Variants in COL12A1 observed in about 807,000 individuals in gnomAD.
The protein encoded by COL12A1 is collagen alpha-1(XII) chain.
COL12A1 carries 114 observed loss-of-function variants against 349.7 expected under a neutral mutation model. The observed-to-expected ratio is 0.33, with a 90% confidence interval of 0.28 to 0.38. The LOEUF (loss-of-function observed/expected upper bound fraction) is 0.38. COL12A1 is among the 10% of genes least tolerant of loss of function. The pLI is 1.00. For synonymous variants in COL12A1, 1,369 were observed against 1,329.0 expected (o/e 1.03, Z -0.66); for missense variants, 3,284 against 3,756.9 (o/e 0.87, Z 3.29).
intron 52 of COL12A1, 107 bp from the exon 53 acceptor site, chr6:75,106,603 G>T (rs1562124298): frequency 1.1e-6 from 1 of 927,288 alleles, no homozygotes; most frequent in East Asian, 2.6e-5. Context: ...TCTCTCAAGG[G>T]TGTGAGCCAT....
intron 51 of COL12A1, among the ~76,000 whole-genome samples, chr6:75,109,531 A>C (rs1768727639): frequency 6.6e-6 from 1 of 152,146 alleles, no homozygotes. Context: ...ATATACTATT[A>C]TATTCACTAC....
intron 1 of COL12A1, among the ~76,000 whole-genome samples, chr6:75,203,987 C>T (rs915882666): frequency 1.3e-5 from 2 of 152,230 alleles, no homozygotes; most frequent in Admixed American, 1.3e-4. Context: ...CCAACGATGA[C>T]TTTCCAAATT....
rs1327776228 is a variant in COL12A1, at chr6:75,102,680, G to C, written c.8332C>G (p.Pro2778Ala). 2 of 1,551,848 alleles carry C rather than the reference G, an allele frequency of 1.3e-6. No individual in the cohort carries two copies. The highest frequency in any genetic ancestry group is 8.7e-7 in the Non-Finnish European group (1 of 1,152,732). The change falls in exon 56 of 66, where the codon CCT (proline) becomes GCT (alanine). Residue 2778 changes from proline to alanine, a missense_variant. Around this residue, in one of 2 missense-constraint regions of COL12A1, gnomAD observed 683 missense variants for 932.1 expected, o/e 0.73. Transcript: ENST00000322507. ...GISGAIGPPG[P>A]RGDIGPPGPQ... Reference sequence around the variant, plus strand: ...CCTGGAGGACCTATGTCTCCACGAGGACCAGGGGGCCCCTAAAATACACAA... The same window carrying C: ...CCTGGAGGACCTATGTCTCCACGAGCACCAGGGGGCCCCTAAAATACACAA...
Position 75,090,397 on chromosome 6 carries a change from T to A in COL12A1, c.8753-99A>T. On this transcript the variant is annotated intron_variant, in intron 62 of 65. Coordinates refer to ENST00000322507, the MANE Select transcript of COL12A1 (RefSeq NM_004370.6). This position sits in a 1 kb window ranked among gnomAD's most constrained non-coding sequence, Gnocchi z 4.1. ...TAGTGTCTAGTGAAATCCATCTCCA[T>A]TCTGCAACCCCTCTAAGGAAACAAT... 1.8e-6 allele frequency: 2 copies of A among 1,112,220 alleles called. No homozygotes were observed. Among genetic ancestry groups the A allele is most frequent in the Non-Finnish European group, 2.6e-6 (2 of 775,740 alleles). The allele number at this position is 1,112,220 out of a possible 1,614,324, so 68.9% of individuals were successfully genotyped here.
chr6:75,101,547 CA>C, intron 58 of COL12A1, 52 bp downstream of exon 58: 1 of 1,546,392 alleles, frequency 6.5e-7, no homozygotes, highest in Middle Eastern at 1.7e-4. Context: ...AATTAATAGG[CA>C]ACCATATGAC....
rs112607771 is a variant in COL12A1 at position 75,085,406 on chromosome 6, G to GCGCACA, written c.*1140_*1141insTGTGCG. On this transcript the variant is annotated 3_prime_UTR_variant, in exon 66 of 66. Coordinates refer to ENST00000322507, the MANE Select transcript of COL12A1 (RefSeq NM_004370.6). ...TTACAATTATGGCATGATTTGGAAG[G>GCGCACA]CACACACACACACACACAGCAAAAG... The GCGCACA allele has an allele frequency of 1.2e-4, 51 of 424,114 alleles. No individual in the cohort carries two copies. The highest frequency in any genetic ancestry group is 7.9e-4 in the African/African-American group (39 of 49,252). The allele number at this position is 424,114 out of a possible 1,614,324, so 26.3% of individuals were successfully genotyped here.
intron 34 of COL12A1, 73 bp downstream of exon 34, chr6:75,133,220 T>A: frequency 2.3e-6 from 3 of 1,308,480 alleles, no homozygotes; most frequent in Non-Finnish European, 2.0e-6. Flanking sequence ...TTCTCTTTAA[T>A]GGGCCTTTAT....
chr6:75,100,458 G>C (rs1258731416), intron 58 of COL12A1, among the ~76,000 whole-genome samples: 1 of 151,962 alleles, frequency 6.6e-6, no homozygotes, highest in African/African-American at 2.4e-5. Flanking sequence ...TACTCTCACT[G>C]TTGTCCTTTA....
intron 13 of COL12A1, among the ~76,000 whole-genome samples, chr6:75,168,176 CA>C (rs1768408059): frequency 6.6e-6 from 1 of 152,146 alleles, no homozygotes; most frequent in African/African-American, 2.4e-5. Flanking sequence ...GTCAATCAGT[CA>C]GTTTGATAAG....
chr6:75,108,855 T>C lies in COL12A1; in HGVS notation c.8100+163A>G, dbSNP rs866655967. Among the ~76,000 whole-genome samples the C allele has an allele frequency of 1.3e-4, 20 of 152,318 alleles. No individual in the cohort carries two copies. The Middle Eastern group carries it at 0.01, about 78-fold the overall frequency. ...ACATTATTATGTTCTGTGGACATAT[T>C]TTCTCAATGTACTTCTTCCAATGTT... is the stretch of plus-strand genomic sequence containing the variant. On this transcript the variant is annotated intron_variant, in intron 52 of 65. Transcript: ENST00000322507.
Position 75,130,987 on chromosome 6 carries a change from G to A in COL12A1, c.5938-6C>T. On this transcript the variant is annotated splice_polypyrimidine_tract_variant and splice_region_variant and intron_variant, in intron 35 of 65. Transcript: ENST00000322507. ...GTGTTTCCTGGCACTACTATCTGCA[G>A]GAGAGGAAATGCCAAATTCTGCCTG... 1 of 1,614,086 alleles carries A rather than the reference G, an allele frequency of 6.2e-7. No homozygotes were observed. The highest frequency in any genetic ancestry group is 8.5e-7 in the Non-Finnish European group (1 of 1,179,988).
Position 75,123,310 on chromosome 6 carries a change from GC to G in COL12A1, c.6946+19del. 6.3e-7 allele frequency: 1 copy of G among 1,599,802 alleles called. No homozygotes were observed. The highest frequency in any genetic ancestry group is 2.2e-5 in the East Asian group (1 of 44,582). On this transcript the variant is annotated intron_variant, in intron 43 of 65. Transcript: ENST00000322507. ...TAACTCCCTATCAGCTGAACGTATT[GC>G]CTATTTAGCTGTACTTACCATCCCG... is the stretch of plus-strand genomic sequence containing the variant.
Position 75,138,465 on chromosome 6 carries a change from A to G in COL12A1, c.5213T>C (p.Ile1738Thr), listed in dbSNP as rs240736. The G allele has an allele frequency of 0.28, 451,849 of 1,613,334 alleles. 64,381 individuals are homozygous for G. The highest frequency in any genetic ancestry group is 0.33 in the African/African-American group (24,872 of 74,908). Residue 1738 changes from isoleucine to threonine, a missense_variant, in exon 29 of 66, where the codon ATT becomes ACT. Transcript: ENST00000322507. Reference protein sequence around the residue: ...YPDESESDDLIGSERTLPILT... With the variant: ...YPDESESDDLTGSERTLPILT... Reference sequence around the variant, plus strand: ...ACACCTACGTGTGCGCTCACTGCCAATCAGGTCATCACTTTCTGACTCATC... The same window carrying G: ...ACACCTACGTGTGCGCTCACTGCCAGTCAGGTCATCACTTTCTGACTCATC...
chr6:75,106,886 CTTTTTTCTTTTTCTTTTTT>C (rs1768577743), intron 52 of COL12A1, among the ~76,000 whole-genome samples: 1 of 47,440 alleles, frequency 2.1e-5, no homozygotes, highest in Non-Finnish European at 4.3e-5. Context: ...TTTTTTTTTT[CTTTTTTCTTTTTCTTTTTT>C]TTTTTTTTTT....
chr6:75,097,750 A>G (rs2149338033), intron 58 of COL12A1, among the ~76,000 whole-genome samples: 2 of 152,370 alleles, frequency 1.3e-5, no homozygotes, highest in East Asian at 3.9e-4. Flanking sequence ...TACTGAGAAA[A>G]GCAAGCGGTA....
In COL12A1 at chr6:75,147,715, T is replaced by C. The variant is rs1416289158; in HGVS notation, c.4377A>G (p.Glu1459=). ...CCTTCAGAGGCTCACTATATTCATCTTCTACCACAGAATACACATTGACAA... is the reference window on the plus strand; with the variant it reads ...CCTTCAGAGGCTCACTATATTCATCCTCTACCACAGAATACACATTGACAA... ...EYVVNVYSVV[E]DEYSEPLKGT... is the part of the protein sequence containing the mutation. Residue 1459 remains glutamate, a synonymous_variant, in exon 23 of 66, where the codon GAA becomes GAG. Transcript: ENST00000322507. 5 of 1,613,358 alleles carry C rather than the reference T, an allele frequency of 3.1e-6. No homozygotes were observed. Among genetic ancestry groups the C allele is most frequent in the South Asian group, 2.2e-5 (2 of 90,990 alleles).
intron 56 of COL12A1, among the ~76,000 whole-genome samples, 159 bp from the exon 57 acceptor site, chr6:75,102,211 C>T (rs998855682): frequency 1.3e-5 from 2 of 152,068 alleles, no homozygotes; most frequent in Non-Finnish European, 2.9e-5. Flanking sequence ...ATGAATAAAC[C>T]TTTTTTGAAT....
intron 27 of COL12A1, among the ~76,000 whole-genome samples, chr6:75,140,825 G>A (rs560893262): frequency 1.3e-5 from 2 of 152,248 alleles, no homozygotes; most frequent in South Asian, 4.2e-4. Context: ...TAGGTTACTG[G>A]ATGTGGCTGG....
In COL12A1 at chr6:75,165,683, C is replaced by T. The variant is rs1438472743; in HGVS notation, c.2807G>A (p.Arg936Lys). 5 of 1,614,046 alleles carry T rather than the reference C, an allele frequency of 3.1e-6. No individual in the cohort carries two copies. Among genetic ancestry groups the T allele is most frequent in the Non-Finnish European group, 4.2e-6 (5 of 1,179,928 alleles). Residue 936 changes from arginine (R) to lysine (K), a missense_variant, in exon 14 of 66, where the codon AGG becomes AAG. Arg to Lys is a conservative substitution (Grantham distance 26). Transcript: ENST00000322507. ...TSAPGMVRGY[R>K]VSWKSLYDDV... ...ATCATAAAGTGATTTCCATGAGACCCTGTAACCGCGAACCATTCCTGGAGC... is the reference window on the plus strand; with the variant it reads ...ATCATAAAGTGATTTCCATGAGACCTTGTAACCGCGAACCATTCCTGGAGC...
Sources: allele counts gnomAD v4.1 joint callset (sites outside exome capture counted in the v4.1 genomes callset), GRCh38; gene constraint gnomAD v4.1.1; regional missense constraint gnomAD v4.1.1; non-coding constraint Gnocchi (gnomAD v3.1); transcripts MANE v1.5; gene names NCBI Gene and HGNC (gene_info 2026-07-23, HGNC 2026-07-21).